Variants in ASMTL observed in about 807,000 individuals in gnomAD.
ASMTL encodes acetylserotonin O-methyltransferase like, also known as probable bifunctional dTTP/UTP pyrophosphatase/methyltransferase protein.
In ASMTL, 57 loss-of-function variants were observed where a neutral mutation model predicts 60.3. The observed-to-expected ratio is 0.95, with a 90% CI of 0.76 to 1.18. The LOEUF is 1.18. Among genes scored for constraint, ASMTL ranks in the 50% most tolerant of loss-of-function variants. ASMTL has a pLI of 0.00. For synonymous variants in ASMTL, 419 were observed against 373.0 expected (o/e 1.12, Z -1.42); for missense variants, 981 against 852.6 (o/e 1.15, Z -1.88).
intron 9 of ASMTL, 121 bp from the exon 10 acceptor site, chrX:1,419,235 G>A (rs2090406883): frequency 8.8e-7 from 1 of 1,136,346 alleles, no homozygotes; most frequent in Non-Finnish European, 1.3e-6. Context: ...AGCCGCGCCT[G>A]GGCTGCAGAG....
upstream of ASMTL, among the ~76,000 whole-genome samples, chrX:1,453,451 C>G (rs1172843219): frequency 6.6e-5 from 10 of 152,114 alleles, no homozygotes; most frequent in South Asian, 2.1e-3. Context: ...CCCTCCCCAC[C>G]CCGCCTGCGG....
chrX:1,419,175 C>T (rs2090404829), intron 9 of ASMTL, 61 bp from the exon 10 acceptor site: 1 of 1,588,086 alleles, frequency 6.3e-7, no homozygotes. Context: ...CGCCCAGCCT[C>T]TCCCTGGGGG....
chrX:1,423,649 C>G, intron 8 of ASMTL, among the ~76,000 whole-genome samples: 1 of 151,530 alleles, frequency 6.6e-6, no homozygotes, highest in Non-Finnish European at 1.5e-5. Context: ...CTATGCATTC[C>G]CCCACCCATC....
rs200630112 is a variant in ASMTL at position 1,439,078 on chromosome X, G to C, written c.273+19C>G. 1.2e-3 allele frequency: 1,952 copies of C among 1,613,512 alleles called. 3 individuals carry two copies. The highest frequency in any genetic ancestry group is 1.5e-3 in the Non-Finnish European group (1,746 of 1,179,456). On this transcript the variant is annotated intron_variant, in intron 3 of 12. Coordinates refer to ENST00000381317, the MANE Select transcript of ASMTL (RefSeq NM_004192.4). ...AACCACATCGGACATTAGAAACGAGGCACCCTGGCCGCACTCACCACGATC... is the reference window on the plus strand; with the variant it reads ...AACCACATCGGACATTAGAAACGAGCCACCCTGGCCGCACTCACCACGATC...
chrX:1,448,430 A>ACACCACCATCTTGGAAAAG (rs2091278073), intron 1 of ASMTL, among the ~76,000 whole-genome samples: 1 of 150,750 alleles, frequency 6.6e-6, no homozygotes, highest in South Asian at 2.1e-4. Context: ...TCTTGGATAC[A>ACACCACCATCTTGGAAAAG]CACCACCATC....
intron 5 of ASMTL, among the ~76,000 whole-genome samples, chrX:1,434,002 G>C (rs1171693351): frequency 6.6e-6 from 1 of 152,170 alleles, no homozygotes; most frequent in Admixed American, 6.5e-5. Context: ...CAGGGATATG[G>C]GGCTGGGATT....
rs769330363 is a variant in ASMTL, at chrX:1,436,773, G to C, written c.274-1015C>G. Among the ~76,000 whole-genome samples, 12 of 152,332 alleles carry C rather than the reference G, an allele frequency of 7.9e-5. No individual in the cohort carries two copies. The East Asian group carries it at 2.3e-3, about 29-fold the overall frequency. ...TTCTGCCTTTTAGCTGTTGTGAATAGTGCTGCTGTGAACATTCATGTAGAA... is the reference window on the plus strand; with the variant it reads ...TTCTGCCTTTTAGCTGTTGTGAATACTGCTGCTGTGAACATTCATGTAGAA... On this transcript the variant is annotated intron_variant, in intron 3 of 12. Coordinates refer to ENST00000381317, the MANE Select transcript of ASMTL (RefSeq NM_004192.4).
intron 9 of ASMTL, 110 bp from the exon 10 acceptor site, chrX:1,419,224 C>CA: frequency 2.0e-5 from 26 of 1,286,422 alleles, no homozygotes; most frequent in Non-Finnish European, 2.7e-5. Context: ...CGTGGGGGCT[C>CA]AGCCGCGCCT....
In ASMTL at chrX:1,428,084, C is replaced by T. The variant is rs745832689; in HGVS notation, c.547G>A (p.Gly183Ser). ...AGGYGIQALG[G>S]MLVESVHGDF... Reference sequence around the variant, plus strand: ...CCGTGTACGGACTCCACCAGCATGCCGCCCAGGGCCTGGATCCCGTAGCCG... The same window carrying T: ...CCGTGTACGGACTCCACCAGCATGCTGCCCAGGGCCTGGATCCCGTAGCCG... The change falls in exon 7 of 13, where the codon GGC (glycine) becomes AGC (serine). Residue 183 changes from glycine (G) to serine (S), a missense_variant. Physicochemically the swap from Gly to Ser is moderately conservative, Grantham distance 56. Transcript: ENST00000381317. 39 of 1,610,616 alleles carry T rather than the reference C, an allele frequency of 2.4e-5. No homozygotes were observed. In the Middle Eastern group the frequency reaches 8.3e-4, roughly 34 times the overall value.
chrX:1,424,649 C>T (rs2090566162), intron 8 of ASMTL, among the ~76,000 whole-genome samples: 1 of 151,676 alleles, frequency 6.6e-6, no homozygotes, highest in Admixed American at 6.6e-5. Flanking sequence ...TCTATGCACT[C>T]ATCCACCGAT....
At chrX:1,421,599 A>T in intron 9 of ASMTL, 59 bp downstream of exon 9, 13 of 1,584,240 alleles carry the variant, frequency 8.2e-6, no homozygotes, top group Non-Finnish European at 1.1e-5. Flanking sequence ...TCTGTGTGTC[A>T]AAGTGTTTTA....
chrX:1,418,445 G>C (rs1333177815), intron 10 of ASMTL, among the ~76,000 whole-genome samples: 3 of 152,024 alleles, frequency 2.0e-5, no homozygotes, highest in Admixed American at 2.0e-4. Context: ...GACCTACAGG[G>C]AAATCCTTTC....
At chrX:1,451,239 C>G (rs1289716089) in intron 1 of ASMTL, among the ~76,000 whole-genome samples, 3 of 146,512 alleles carry the variant, frequency 2.0e-5, no homozygotes, top group African/African-American at 7.6e-5. Flanking sequence ...TCTCCCCAAC[C>G]CCATGCCTAG....
chrX:1,413,026 A>G (rs1427294723), intron 11 of ASMTL, 172 bp from the exon 12 acceptor site: 12 of 704,154 alleles, frequency 1.7e-5, no homozygotes, highest in Non-Finnish European at 2.9e-5. Flanking sequence ...ACAGAGCTCC[A>G]TGAGGAGCTG....
chrX:1,414,801 T>TAA (rs1349991710), intron 11 of ASMTL, among the ~76,000 whole-genome samples: 2 of 151,970 alleles, frequency 1.3e-5, no homozygotes, highest in East Asian at 3.9e-4. Flanking sequence ...TGTAGGGTGG[T>TAA]TGCGTTTTGT....
intron 3 of ASMTL, among the ~76,000 whole-genome samples, chrX:1,438,885 C>T (rs2091039448): frequency 6.6e-6 from 1 of 152,152 alleles, no homozygotes; most frequent in Non-Finnish European, 1.5e-5. Flanking sequence ...CCTCGGCCTC[C>T]CAAAATGCTG....
Position 1,427,721 on chromosome X carries a change from C to CAGACACAGG in ASMTL, c.897+4_897+12dup. ...ATTTGTGAAATGTGGCCTGAGGAGACAGACACAGGTACCTTGGATAGCATA... is the reference window on the plus strand; with the variant it reads ...ATTTGTGAAATGTGGCCTGAGGAGACAGACACAGGAGACACAGGTACCTTGGATAGCATA... On this transcript the variant is annotated intron_variant, in intron 7 of 12. Transcript: ENST00000381317. 6.3e-7 allele frequency: 1 copy of CAGACACAGG among 1,591,240 alleles called. No individual in the cohort carries two copies. Among genetic ancestry groups the CAGACACAGG allele is most frequent in the South Asian group, 1.1e-5 (1 of 89,750 alleles).
intron 12 of ASMTL, among the ~76,000 whole-genome samples, chrX:1,406,395 GATGA>G (rs202110220): frequency 0.028 from 4,179 of 150,964 alleles, 171 homozygotes; most frequent in African/African-American, 0.097. Flanking sequence ...TAGGTAGGTA[GATGA>G]ATGGATGGAT....
intron 12 of ASMTL, among the ~76,000 whole-genome samples, chrX:1,410,933 C>T (rs2089993738): frequency 6.6e-6 from 1 of 151,852 alleles, no homozygotes; most frequent in Middle Eastern, 3.2e-3. Context: ...CGCCTGTAAT[C>T]CCAACACTTT....
Sources: allele counts gnomAD v4.1 joint callset (sites outside exome capture counted in the v4.1 genomes callset), GRCh38; gene constraint gnomAD v4.1.1; transcripts MANE v1.5; gene names NCBI Gene and HGNC (gene_info 2026-07-23, HGNC 2026-07-21).